R3HDM2: variants seen among roughly 807,000 people sequenced by gnomAD.
R3HDM2 encodes R3H domain containing 2.
R3HDM2 carries 38 observed loss-of-function variants against 124.5 expected under a neutral mutation model. The ratio of observed to expected loss-of-function variants is 0.31; its 90% CI spans 0.24 to 0.40. The LOEUF (loss-of-function observed/expected upper bound fraction) is 0.40. Among genes scored for constraint, R3HDM2 ranks in the 10% least tolerant of loss-of-function variants. The pLI is 1.00. For synonymous variants in R3HDM2, 391 were observed against 448.0 expected (o/e 0.87, Z 1.61); for missense variants, 869 against 1,236.9 (o/e 0.70, Z 4.46).
Position 57,296,845 on chromosome 12 carries a change from A to T in R3HDM2, c.561-294T>A. ...TTGGGAGGCCAAGGCAGGCGGATCA[A>T]TTGAGTTCAGGAGTTCAAGACCAGC... On this transcript the variant is annotated intron_variant, in intron 8 of 23. Transcript: ENST00000402412. The surrounding 1 kb of genome is among the most constrained non-coding windows in gnomAD (Gnocchi z 4.5). 1 of 268,066 alleles carries T rather than the reference A, an allele frequency of 3.7e-6. No individual in the cohort carries two copies. The highest frequency in any genetic ancestry group is 7.1e-6 in the Non-Finnish European group (1 of 140,744). The allele number at this position is 268,066 out of a possible 1,614,324, so 16.6% of individuals were successfully genotyped here.
intron 2 of R3HDM2, among the ~76,000 whole-genome samples, chr12:57,324,641 T>C (rs1276575543): frequency 1.3e-5 from 2 of 152,242 alleles, no homozygotes; most frequent in Non-Finnish European, 2.9e-5. Context: ...TCCAATCATC[T>C]CTTTTGTAAC....
intron 9 of R3HDM2, among the ~76,000 whole-genome samples, chr12:57,295,835 C>T (rs2049690358): frequency 6.6e-6 from 1 of 152,160 alleles, no homozygotes; most frequent in South Asian, 2.1e-4. Context: ...CCAACCCCAA[C>T]CCCAATCCCC....
In R3HDM2 at chr12:57,259,095, C is replaced by A. The variant is rs928402028; in HGVS notation, c.2132-36G>T. 3.1e-6 allele frequency: 5 copies of A among 1,597,376 alleles called. No homozygotes were observed. The African/African-American group carries it at 5.4e-5, about 17-fold the overall frequency. On this transcript the variant is annotated intron_variant, in intron 19 of 23. Coordinates refer to ENST00000402412, the MANE Select transcript of R3HDM2 (RefSeq NM_001394031.1). ...GGAAGAAAGCAGTTGGTTACAAATT[C>A]CAACTGTATTTTTGCCTTCCAACTA...
At chr12:57,256,287 G>A (rs2038977697) in intron 22 of R3HDM2, 127 bp downstream of exon 22, 3 of 934,580 alleles carry the variant, frequency 3.2e-6, no homozygotes, top group African/African-American at 3.3e-5. Context: ...AGGAGGTAGG[G>A]CAAGGCTCCT....
rs2062904331 is a variant in R3HDM2, at chr12:57,368,346, A to C, written c.-36+27403T>G. The stretch of plus-strand genomic sequence containing the variant: ...ACTTCAACTAGCACGGTATGTAGTA[A>C]AGAATTTAACCTTGCCCAAAGAGAG... On this transcript the variant is annotated intron_variant, in intron 2 of 23. Transcript: ENST00000402412. Among the ~76,000 whole-genome samples the C allele has an allele frequency of 2.0e-5, 3 of 152,304 alleles. 1 individual carries two copies. The South Asian group carries it at 6.2e-4, about 32-fold the overall frequency.
chr12:57,429,017 G>A (rs1309901157), intron 1 of R3HDM2, among the ~76,000 whole-genome samples: 2 of 152,072 alleles, frequency 1.3e-5, no homozygotes, highest in African/African-American at 2.4e-5. Flanking sequence ...AAAGTGCTGC[G>A]ATTACAGCAT....
intron 2 of R3HDM2, among the ~76,000 whole-genome samples, chr12:57,312,928 C>CAAA (rs57500144): frequency 2.4e-4 from 12 of 49,808 alleles, no homozygotes; most frequent in Admixed American, 6.8e-4. Flanking sequence ...GACTCTGGCT[C>CAAA]AAAAAAAAAA....
intron 4 of R3HDM2, among the ~76,000 whole-genome samples, chr12:57,302,212 C>T (rs2051351912): frequency 6.7e-6 from 1 of 149,260 alleles, no homozygotes; most frequent in Non-Finnish European, 1.5e-5. Context: ...ACACGGAAGG[C>T]AGAGGTTGCA....
intron 10 of R3HDM2, among the ~76,000 whole-genome samples, chr12:57,293,831 T>C (rs887712931): frequency 2.6e-5 from 4 of 152,232 alleles, no homozygotes; most frequent in African/African-American, 9.6e-5. Flanking sequence ...TGCCTAGATT[T>C]AGTTCTCATT....
intron 2 of R3HDM2, among the ~76,000 whole-genome samples, chr12:57,373,151 A>G (rs2063576177): frequency 6.6e-6 from 1 of 152,208 alleles, no homozygotes; most frequent in African/African-American, 2.4e-5. Context: ...GCAGTAAGCT[A>G]TGACTGTGCT....
intron 3 of R3HDM2, among the ~76,000 whole-genome samples, chr12:57,305,485 G>C (rs1350688781): frequency 6.6e-6 from 1 of 152,080 alleles, no homozygotes; most frequent in Non-Finnish European, 1.5e-5. Context: ...CCCTCAAAGT[G>C]GTTGTACCAA....
chr12:57,259,934 T>C (rs2040227134), intron 19 of R3HDM2, among the ~76,000 whole-genome samples: 1 of 151,916 alleles, frequency 6.6e-6, no homozygotes, highest in African/African-American at 2.4e-5. Context: ...GTAGGATAGC[T>C]AGGGAGAGAG....
chr12:57,368,531 G>A (rs2062925758), intron 2 of R3HDM2, among the ~76,000 whole-genome samples: 1 of 152,180 alleles, frequency 6.6e-6, no homozygotes, highest in Admixed American at 6.5e-5. Flanking sequence ...ACCTCAGGAA[G>A]GGCTGGAGAC....
At chr12:57,426,089 G>C (rs571687080) in intron 1 of R3HDM2, among the ~76,000 whole-genome samples, 2 of 152,098 alleles carry the variant, frequency 1.3e-5, no homozygotes, top group Non-Finnish European at 2.9e-5. Flanking sequence ...TTATCCAGGC[G>C]TGGTAGCCGA....
At chr12:57,276,480 T>C (rs2044768105) in intron 14 of R3HDM2, among the ~76,000 whole-genome samples, 1 of 152,236 alleles carries the variant, frequency 6.6e-6, no homozygotes, top group Non-Finnish European at 1.5e-5. Context: ...TGCAGTGACC[T>C]GGATGAGATT....
chr12:57,415,350 G>C (rs938539592), intron 1 of R3HDM2: 1 of 152,096 alleles, frequency 6.6e-6, no homozygotes, highest in Admixed American at 6.6e-5. Flanking sequence ...AGAAGATTTA[G>C]CATGGCCCCT....
At chr12:57,380,155 G>C (rs1321539378) in intron 2 of R3HDM2, among the ~76,000 whole-genome samples, 2 of 152,150 alleles carry the variant, frequency 1.3e-5, no homozygotes, top group East Asian at 3.8e-4. Flanking sequence ...TGTTTCTCTT[G>C]AGTCTTGAAT....
intron 2 of R3HDM2, among the ~76,000 whole-genome samples, chr12:57,312,707 C>T (rs1357341322): frequency 6.6e-6 from 1 of 151,978 alleles, no homozygotes; most frequent in East Asian, 1.9e-4. Flanking sequence ...AATGTCTCTA[C>T]TAAAAATACA....
intron 1 of R3HDM2, among the ~76,000 whole-genome samples, chr12:57,397,746 C>T (rs2067693201): frequency 6.6e-6 from 1 of 152,162 alleles, no homozygotes; most frequent in African/African-American, 2.4e-5. Context: ...TTCCCAGATA[C>T]ATCTAATTTT....
Sources: gnomAD v4.1 joint callset for allele counts (sites outside exome capture counted in the v4.1 genomes callset) on GRCh38, gnomAD v4.1.1 for gene constraint, Gnocchi (gnomAD v3.1) non-coding constraint, MANE v1.5 for transcripts, NCBI Gene and HGNC (gene_info 2026-07-23, HGNC 2026-07-21) for gene names.